The following XIAP variants were observed in gnomAD, a reference collection of about 807,000 sequenced individuals.
XIAP encodes X-linked inhibitor of apoptosis, also known as E3 ubiquitin-protein ligase XIAP.
A neutral mutation model predicts 33.1 loss-of-function variants in XIAP; 3 were observed. The observed-to-expected ratio is 0.09, with a 90% CI of 0.04 to 0.23. The LOEUF is 0.23. XIAP is among the 10% of genes least tolerant of loss of function. XIAP has a pLI of 1.00. For missense variants in XIAP, 264 were observed against 363.0 expected (o/e 0.73, Z 2.22); for synonymous variants, 98 against 121.3 (o/e 0.81, Z 1.26).
chrX:123,893,317 A>G (rs1207962441), intron 5 of XIAP, among the ~76,000 whole-genome samples: 1 of 107,214 alleles, frequency 9.3e-6, no homozygotes, highest in African/African-American at 3.4e-5. Context: ...CAGGAGATCG[A>G]GACCATCCTG....
chrX:123,900,786 T>C (rs1474151966), intron 6 of XIAP, 93 bp downstream of exon 6: 3 of 812,260 alleles, frequency 3.7e-6, no homozygotes, highest in African/African-American at 2.0e-5. Flanking sequence ...GACAGGTGGA[T>C]ATGGACATTT....
intron 6 of XIAP, among the ~76,000 whole-genome samples, chrX:123,902,765 A>T (rs1286549519): frequency 8.9e-6 from 1 of 112,232 alleles, no homozygotes; most frequent in African/African-American, 3.2e-5. Flanking sequence ...CAAATAACCC[A>T]TATTCATTTC....
intron 6 of XIAP, among the ~76,000 whole-genome samples, chrX:123,905,616 TGGG>T (rs2053551251): frequency 8.9e-6 from 1 of 111,960 alleles, no homozygotes; most frequent in South Asian, 3.7e-4. Flanking sequence ...TATGAACTAT[TGGG>T]GGCCTGAGGT....
At chrX:123,872,064 G>A (rs2053199168) in intron 1 of XIAP, among the ~76,000 whole-genome samples, 1 of 111,365 alleles carries the variant, frequency 9.0e-6, no homozygotes, top group African/African-American at 3.3e-5. Flanking sequence ...TTGTGCCACT[G>A]CACTCCAGCC....
rs2148089869 is a variant in XIAP at position 123,886,171 on chromosome X, T to A, written c.509T>A (p.Phe170Tyr). 1.7e-6 allele frequency: 2 copies of A among 1,211,796 alleles called. No individual in the cohort carries two copies. The highest frequency in any genetic ancestry group is 4.4e-5 in the Admixed American group (2 of 45,967). The change falls in exon 2 of 7, where the codon TTT becomes TAT. Residue 170 changes from phenylalanine to tyrosine, a missense_variant. Phe to Tyr is a conservative substitution (Grantham distance 22, BLOSUM62 3). Coordinates refer to ENST00000371199, the MANE Select transcript of XIAP (RefSeq NM_001167.4). ...AGTGAAGAAGCTAGATTAAAGTCCTTTCAGAACTGGCCAGACTATGCTCAC... is the reference window on the plus strand; with the variant it reads ...AGTGAAGAAGCTAGATTAAAGTCCTATCAGAACTGGCCAGACTATGCTCAC... ...MYSEEARLKSFQNWPDYAHLT... is the reference protein window; with the variant it reads ...MYSEEARLKSYQNWPDYAHLT...
chrX:123,862,066 T>A (rs1183825889), intron 1 of XIAP, among the ~76,000 whole-genome samples: 2 of 111,182 alleles, frequency 1.8e-5, no homozygotes, highest in Non-Finnish European at 3.8e-5. Context: ...GTGTTTTTTT[T>A]TATCAATTAA....
chrX:123,866,478 T>C (rs1203273904), intron 1 of XIAP, among the ~76,000 whole-genome samples: 5 of 82,996 alleles, frequency 6.0e-5, no homozygotes. Context: ...TTATATACAA[T>C]ATATTATATA....
chrX:123,898,395 C>T (rs921639652), intron 5 of XIAP, among the ~76,000 whole-genome samples: 6 of 111,335 alleles, frequency 5.4e-5, no homozygotes. Flanking sequence ...CGGAGTCTCG[C>T]TCCGTCACCG....
chrX:123,903,346 A>G (rs58801129), intron 6 of XIAP, among the ~76,000 whole-genome samples: 20,961 of 107,747 alleles, frequency 0.19, 1,485 homozygotes, highest in South Asian at 0.39. Flanking sequence ...GTGCCACCAC[A>G]CCCTGTTAAT....
At chrX:123,891,423 G>A (rs2053406999) in intron 4 of XIAP, 107 bp downstream of exon 4, 1 of 398,418 alleles carries the variant, frequency 2.5e-6, no homozygotes, top group South Asian at 5.3e-5. Flanking sequence ...ATTTCTTCAT[G>A]TGATATTCAC....
At position 123,891,844 on chromosome X, in the gene XIAP, AGAG is replaced by A. The variant is rs1468833723; in HGVS notation, c.1056+529_1056+531del. Among the ~76,000 whole-genome samples, 32 of 98,707 alleles carry A rather than the reference AGAG, an allele frequency of 3.2e-4. 1 individual carries two copies. In the South Asian group the frequency reaches 0.013, roughly 40 times the overall value. The allele number at this position is 98,707 out of a possible 115,157, so 85.7% of individuals were successfully genotyped here. On this transcript the variant is annotated intron_variant, in intron 4 of 6. Transcript: ENST00000371199. ...CTCTTAAAAAAAAAAAAAAAAAAAAAGAGAGAGCCTAAAAAGTGTTTCTTATTC... is the reference window on the plus strand; with the variant it reads ...CTCTTAAAAAAAAAAAAAAAAAAAAAAGAGCCTAAAAAGTGTTTCTTATTC...
In XIAP at chrX:123,913,853, C is replaced by T; in HGVS notation, c.*6672C>T. On this transcript the variant is annotated 3_prime_UTR_variant, in exon 7 of 7. Transcript: ENST00000371199. The stretch of plus-strand genomic sequence containing the variant: ...TTTTATGGTTTTTTTCACTTAGAAC[C>T]TTTCTGTGTGGAAAACTAAGAAAAT... 3.2e-6 allele frequency: 1 copy of T among 316,260 alleles called. No homozygotes were observed. Among genetic ancestry groups the T allele is most frequent in the South Asian group, 2.9e-5 (1 of 34,843 alleles). The allele number at this position is 316,260 out of a possible 1,213,427, so 26.1% of individuals were successfully genotyped here. A position where few individuals can be genotyped will look rare whatever the true frequency, so the allele number is the denominator to read the frequency against.
At chrX:123,883,987 G>A (rs1004395458) in intron 1 of XIAP, among the ~76,000 whole-genome samples, 7 of 111,959 alleles carry the variant, frequency 6.3e-5, no homozygotes, top group African/African-American at 1.9e-4. Flanking sequence ...CAAAAGTCAT[G>A]GAGACTATAT....
intron 1 of XIAP, among the ~76,000 whole-genome samples, chrX:123,872,103 G>A (rs2053199488): frequency 4.5e-5 from 5 of 110,214 alleles, no homozygotes; most frequent in Non-Finnish European, 9.5e-5. Context: ...CCATCTCATA[G>A]TAATAATAAT....
At chrX:123,888,883 A>G (rs1297457596) in intron 3 of XIAP, among the ~76,000 whole-genome samples, 165 bp downstream of exon 3, 1 of 112,076 alleles carries the variant, frequency 8.9e-6, no homozygotes, top group Non-Finnish European at 1.9e-5. Flanking sequence ...GACCAAAAAC[A>G]TTCACTGCTT....
At chrX:123,896,167 A>G (rs1321830204) in intron 5 of XIAP, among the ~76,000 whole-genome samples, 2 of 111,071 alleles carry the variant, frequency 1.8e-5, no homozygotes, top group East Asian at 5.6e-4. Flanking sequence ...CCCTGGCTCA[A>G]GCAATTCTGC....
rs1464476765 is a variant in XIAP at position 123,913,484 on chromosome X, A to T, written c.*6303A>T. 3 of 327,391 alleles carry T rather than the reference A, an allele frequency of 9.2e-6. No homozygotes were observed. In the East Asian group the frequency reaches 2.9e-4, roughly 32 times the overall value. 27.0% of individuals were successfully genotyped at this position (327,391 alleles called of 1,213,427 possible). ...GACTCCCTCTCAAAAACAAAACAAA[A>T]CAAAAAAATTAGACAAATGCTACAT... is the stretch of plus-strand genomic sequence containing the variant. On this transcript the variant is annotated 3_prime_UTR_variant, in exon 7 of 7. Transcript: ENST00000371199.
At chrX:123,892,701 T>C in intron 4 of XIAP, 30 bp from the exon 5 acceptor site, 1 of 1,158,441 alleles carries the variant, frequency 8.6e-7, no homozygotes, top group Non-Finnish European at 1.2e-6. Flanking sequence ...CAAAAATAAT[T>C]CTAACTTACA....
At chrX:123,880,267 C>T (rs1258448075) in intron 1 of XIAP, among the ~76,000 whole-genome samples, 8 of 106,192 alleles carry the variant, frequency 7.5e-5, no homozygotes, top group South Asian at 8.3e-4. Context: ...ACAAAATTGC[C>T]GGGTGTGGTG....
Sources: allele counts gnomAD v4.1 joint callset (sites outside exome capture counted in the v4.1 genomes callset), GRCh38; gene constraint gnomAD v4.1.1; transcripts MANE v1.5; gene names NCBI Gene and HGNC (gene_info 2026-07-23, HGNC 2026-07-21).